DENND3: variants seen among roughly 807,000 people sequenced by gnomAD.
The protein encoded by DENND3 is DENN domain-containing protein 3.
Under a neutral mutation model 135.1 loss-of-function variants are expected in DENND3, and 88 were observed. The ratio of observed to expected loss-of-function variants is 0.65; its 90% CI spans 0.55 to 0.78. The LOEUF is 0.78. Among genes scored for constraint, DENND3 ranks in the 30% least tolerant of loss-of-function variants. The pLI, the probability that DENND3 is intolerant of heterozygous loss-of-function variation, is 0.00. For synonymous variants in DENND3, 693 were observed against 712.3 expected (o/e 0.97, Z 0.43); for missense variants, 1,392 against 1,688.4 (o/e 0.82, Z 3.08).
chr8:141,184,557 A>T (rs190125651), intron 17 of DENND3: 2 of 152,332 alleles, frequency 1.3e-5, no homozygotes, highest in Non-Finnish European at 2.9e-5. Context: ...ACAAGAGGGC[A>T]TGGGGATGGC....
intron 1 of DENND3, among the ~76,000 whole-genome samples, chr8:141,134,619 C>T (rs1176880062): frequency 3.3e-5 from 5 of 152,076 alleles, no homozygotes; most frequent in African/African-American, 1.2e-4. Context: ...ATTTTTTTCT[C>T]CAAATGTAAA....
chr8:141,159,916 G>A (rs1263618719), intron 8 of DENND3, among the ~76,000 whole-genome samples: 2 of 152,232 alleles, frequency 1.3e-5, no homozygotes, highest in African/African-American at 2.4e-5. Context: ...GGGCACAGAG[G>A]GGCATCTGAT....
chr8:141,145,837 A>ATTT (rs1818029013), intron 5 of DENND3, among the ~76,000 whole-genome samples: 1 of 28,884 alleles, frequency 3.5e-5, no homozygotes, highest in African/African-American at 4.0e-4. Flanking sequence ...ATATATATAT[A>ATTT]TATATATATA....
chr8:141,157,622 A>G (rs1819605423), intron 8 of DENND3: 1 of 985,970 alleles, frequency 1.0e-6, no homozygotes. Context: ...CTTTGTCTGC[A>G]TTGGGAGGAG....
In DENND3 at chr8:141,194,236, G is replaced by T. The variant is rs768727179; in HGVS notation, c.*3G>T. 4 of 1,611,268 alleles carry T rather than the reference G, an allele frequency of 2.5e-6. No homozygotes were observed. The South Asian group carries it at 4.4e-5, about 18-fold the overall frequency. On this transcript the variant is annotated 3_prime_UTR_variant, in exon 23 of 23. Transcript: ENST00000519811. ...TCGCCATTTGGAAAGGCGAATAAAC[G>T]TGGCTGAGTCTGCCAAGTGGAACTG... is the stretch of plus-strand genomic sequence containing the variant.
At chr8:141,181,354 C>G (rs187703092) in intron 17 of DENND3, among the ~76,000 whole-genome samples, 1 of 152,218 alleles carries the variant, frequency 6.6e-6, no homozygotes, top group South Asian at 2.1e-4. Flanking sequence ...AGCACTCTTG[C>G]TCACATCGTT....
intron 8 of DENND3, chr8:141,158,184 C>T (rs973325011): frequency 3.9e-6 from 5 of 1,289,478 alleles, no homozygotes; most frequent in Middle Eastern, 2.1e-4. Context: ...GCTGGGCTCT[C>T]CTCCCCAGCC....
chr8:141,162,897 G>A (rs2154613095), intron 9 of DENND3, among the ~76,000 whole-genome samples: 1 of 152,358 alleles, frequency 6.6e-6, no homozygotes, highest in South Asian at 2.1e-4. Context: ...CTGGGCCATA[G>A]AGCAAGACCC....
chr8:141,159,785 C>G (rs148555858), intron 8 of DENND3, among the ~76,000 whole-genome samples: 6 of 152,352 alleles, frequency 3.9e-5, no homozygotes, highest in Non-Finnish European at 8.8e-5. Context: ...GGTCCAATCT[C>G]ATGGTGGCTC....
chr8:141,186,043 A>G (rs894296151), intron 18 of DENND3, among the ~76,000 whole-genome samples: 3 of 151,346 alleles, frequency 2.0e-5, no homozygotes, highest in African/African-American at 7.3e-5. Flanking sequence ...TCTGGGCTCA[A>G]GGGATCCACC....
chr8:141,185,178 C>A lies in DENND3; in HGVS notation c.2984C>A (p.Pro995His). ...DPAEKVEDAH[P>H]KLWCALSEGK... is the part of the protein sequence containing the mutation. ...GCCGAAAAAGTTGAAGATGCTCACC[C>A]CAAGTTATGGTGTGCTCTGAGCGAA... Residue 995 changes from proline to histidine, a missense_variant, in exon 18 of 23, where the codon CCC becomes CAC. Coordinates refer to ENST00000519811, the MANE Select transcript of DENND3 (RefSeq NM_001352890.3). 6.2e-7 allele frequency: 1 copy of A among 1,614,098 alleles called. No individual in the cohort carries two copies. Among genetic ancestry groups the A allele is most frequent in the Non-Finnish European group, 8.5e-7 (1 of 1,179,962 alleles).
At chr8:141,187,480 C>G (rs189181709) in intron 18 of DENND3, among the ~76,000 whole-genome samples, 3 of 152,270 alleles carry the variant, frequency 2.0e-5, no homozygotes, top group Admixed American at 2.0e-4. Flanking sequence ...CCGCCTCGGC[C>G]CCGCCAAAGT....
intron 13 of DENND3, among the ~76,000 whole-genome samples, chr8:141,172,198 G>T: frequency 6.8e-6 from 1 of 147,596 alleles, no homozygotes; most frequent in Non-Finnish European, 1.5e-5. Context: ...TGTGGTAGGT[G>T]TGCACAGTGG....
rs1265369629 is a variant in DENND3, at chr8:141,167,222, G to C, written c.1754-782G>C. 6.6e-6 allele frequency among the ~76,000 whole-genome samples: 1 copy of C among 152,204 alleles called. No homozygotes were observed. The highest frequency in any genetic ancestry group is 1.5e-5 in the Non-Finnish European group (1 of 68,040). ...GGGTCCGAGCCTTCTGCCCCTGGCT[G>C]TGTGACCCTGGGCAGGCAGCTTCAC... On this transcript the variant is annotated intron_variant, in intron 12 of 22. Transcript: ENST00000519811. This position sits in a 1 kb window ranked among gnomAD's most constrained non-coding sequence, Gnocchi z 4.1.
Position 141,138,131 on chromosome 8 carries a change from C to A in DENND3, c.495C>A (p.Pro165=). ...GCGTGGTGGCCCAGTACTACCGGCCCCTGCATGTAGGTGGTTCCCGTTACT... is the reference window on the plus strand; with the variant it reads ...GCGTGGTGGCCCAGTACTACCGGCCACTGCATGTAGGTGGTTCCCGTTACT... ...TYGVVAQYYR[P]LHDEYCFYNG... is the part of the protein sequence containing the mutation. The change falls in exon 3 of 23, where the codon CCC becomes CCA. Residue 165 remains proline, a synonymous_variant. Coordinates refer to ENST00000519811, the MANE Select transcript of DENND3 (RefSeq NM_001352890.3). The surrounding 1 kb of genome is among the most constrained non-coding windows in gnomAD (Gnocchi z 4.8). 1 of 1,603,106 alleles carries A rather than the reference C, an allele frequency of 6.2e-7. No individual in the cohort carries two copies.
chr8:141,128,796 G>T lies in DENND3; in HGVS notation c.89G>T (p.Arg30Leu). The T allele has an allele frequency of 6.9e-7, 1 of 1,445,770 alleles. No individual in the cohort carries two copies. The highest frequency in any genetic ancestry group is 9.1e-7 in the Non-Finnish European group (1 of 1,096,740). The allele number at this position is 1,445,770 out of a possible 1,614,324, so 89.6% of individuals were successfully genotyped here. ...CTGGGCGCCCCCCGGGACAGTCTCC[G>T]AAGTCTCGAGCAGGTGAGGGGCGGG... ...ALLGAPRDSL[R>L]SLEQVAYKKG... The change falls in exon 1 of 23, where the codon CGA becomes CTA. Residue 30 changes from arginine to leucine, a missense_variant. Transcript: ENST00000519811. This position sits in a 1 kb window ranked among gnomAD's most constrained non-coding sequence, Gnocchi z 4.5.
Position 141,144,036 on chromosome 8 carries a change from G to A in DENND3, c.624-112G>A. 1 of 911,366 alleles carries A rather than the reference G, an allele frequency of 1.1e-6. No individual in the cohort carries two copies. Among genetic ancestry groups the A allele is most frequent in the South Asian group, 1.7e-5 (1 of 57,574 alleles). 56.5% of individuals were successfully genotyped at this position (911,366 alleles called of 1,614,324 possible). The stretch of plus-strand genomic sequence containing the variant: ...GACTTTGCTTTTGGTGAAAGGTCCT[G>A]GAGCTGCTGCTGCAGACGCTGGGGA... On this transcript the variant is annotated intron_variant, in intron 4 of 22. Coordinates refer to ENST00000519811, the MANE Select transcript of DENND3 (RefSeq NM_001352890.3). The surrounding 1 kb of genome is among the most constrained non-coding windows in gnomAD (Gnocchi z 4.4).
intron 1 of DENND3, among the ~76,000 whole-genome samples, chr8:141,131,593 C>T (rs891172028): frequency 1.3e-5 from 2 of 152,298 alleles, no homozygotes; most frequent in Admixed American, 6.5e-5. Context: ...TCATTTAATT[C>T]TAACTAAACA....
chr8:141,149,206 G>A lies in DENND3; in HGVS notation c.736-1628G>A, dbSNP rs7837212. 4.5e-3 allele frequency among the ~76,000 whole-genome samples: 687 copies of A among 152,240 alleles called. 8 individuals carry two copies. Among genetic ancestry groups the A allele is most frequent in the African/African-American group, 0.015 (635 of 41,544 alleles). On this transcript the variant is annotated intron_variant, in intron 5 of 22. Coordinates refer to ENST00000519811, the MANE Select transcript of DENND3 (RefSeq NM_001352890.3). ...ATTATAGGCATGAGCCACCACACCC[G>A]GCCGAATTTGCCTTATTTTTAACAT... is the stretch of plus-strand genomic sequence containing the variant.
Sources: allele counts gnomAD v4.1 joint callset (sites outside exome capture counted in the v4.1 genomes callset), GRCh38; gene constraint gnomAD v4.1.1; non-coding constraint Gnocchi (gnomAD v3.1); transcripts MANE v1.5; gene names NCBI Gene and HGNC (gene_info 2026-07-23, HGNC 2026-07-21).